The following MEGF6 variants were observed in gnomAD, a reference collection of about 807,000 sequenced individuals.
MEGF6 encodes the protein multiple EGF like domains 6, also known as multiple epidermal growth factor-like domains protein 6.
MEGF6 carries 184 observed loss-of-function variants against 207.1 expected under a neutral mutation model. The ratio of observed to expected loss-of-function variants is 0.89; its 90% CI spans 0.79 to 1.00. The LOEUF is 1.00. Among genes scored for constraint, MEGF6 ranks in the 50% least tolerant of loss-of-function variants. The pLI, the probability that MEGF6 is intolerant of heterozygous loss-of-function variation, is 0.00. For synonymous variants in MEGF6, 1,038 were observed against 910.0 expected, an observed-to-expected ratio of 1.14 and a Z score of -2.53; for missense variants, 2,282 against 2,202.9, an observed-to-expected ratio of 1.04 and a Z score of -0.72.
chr1:3,561,415 G>A (rs1032096231), intron 4 of MEGF6, among the ~76,000 whole-genome samples: 16 of 152,238 alleles, frequency 1.1e-4, no homozygotes, highest in African/African-American at 3.6e-4. Context: ...ACTGTTTCCA[G>A]AAGTGGGGTC....
chr1:3,531,556 GC>G (rs1642174307), intron 4 of MEGF6: 1 of 947,594 alleles, frequency 1.1e-6, no homozygotes, highest in Non-Finnish European at 1.3e-6. Context: ...GGCCGCGCCG[GC>G]CCGCCCGCCC....
Position 3,505,474 on chromosome 1 carries a change from C to A in MEGF6, c.2001G>T (p.Arg667Ser). The change falls in exon 16 of 37, where the codon AGG becomes AGT. Residue 667 changes from arginine to serine, a missense_variant. Physicochemically the swap from Arg to Ser is moderately radical, Grantham distance 110 (BLOSUM62 -1). Transcript: ENST00000356575. ...VQPHTQSCDK[R>S]DGSCSCKAGF... ...CAGCCTTGCAGGAGCAGCTGCCATCCCTCTTGTCACAGGACTGCGTGTGGG... is the reference window on the plus strand; with the variant it reads ...CAGCCTTGCAGGAGCAGCTGCCATCACTCTTGTCACAGGACTGCGTGTGGG... 6.2e-7 allele frequency: 1 copy of A among 1,610,868 alleles called. No homozygotes were observed. Among genetic ancestry groups the A allele is most frequent in the African/African-American group, 1.3e-5 (1 of 74,954 alleles).
At chr1:3,510,044 G>A (rs1232850599) in intron 10 of MEGF6, 52 bp from the exon 11 acceptor site, 3 of 1,550,302 alleles carry the variant, frequency 1.9e-6, no homozygotes, top group Non-Finnish European at 2.6e-6. Flanking sequence ...GGGGAACCAG[G>A]AAGGCCCCTG....
At chr1:3,618,949 C>T in the MEGF6 span, among the ~76,000 whole-genome samples, 2 of 152,214 alleles carry the variant, frequency 1.3e-5, no homozygotes, top group Non-Finnish European at 2.9e-5. The surrounding 1 kb of genome is among the most constrained non-coding windows in gnomAD (Gnocchi z 4.7). Flanking sequence ...CCTTGGGCTG[C>T]CCTTTGGCAC....
intron 4 of MEGF6, among the ~76,000 whole-genome samples, chr1:3,547,642 G>T (rs1444225635): frequency 6.6e-6 from 1 of 152,188 alleles, no homozygotes; most frequent in African/African-American, 2.4e-5. Context: ...CGTCTCTGGG[G>T]ATCACGTGGC....
At chr1:3,503,499 G>A (rs1215261763) in intron 17 of MEGF6, among the ~76,000 whole-genome samples, 2 of 152,006 alleles carry the variant, frequency 1.3e-5, no homozygotes, top group African/African-American at 4.8e-5. Context: ...GGCAGGGGAG[G>A]AGCCTTCCTC....
chr1:3,583,050 A>G (rs1055514530), intron 3 of MEGF6, among the ~76,000 whole-genome samples: 1 of 152,216 alleles, frequency 6.6e-6, no homozygotes, highest in Non-Finnish European at 1.5e-5. Flanking sequence ...CAGGCCAGCC[A>G]GGTGTGAGAG....
rs774541183 is a variant in MEGF6, at chr1:3,579,852, C to T, written c.454G>A (p.Gly152Ser). ...GSAQPCHCPP[G>S]FQGPRCQYDV... ...TACTGACAGCGGGGTCCCTGGAAGC[C>T]GGGGGGACAGTGACACGGCTGGGCT... The change falls in exon 4 of 37, where the codon GGC becomes AGC. Residue 152 changes from glycine (G) to serine (S), a missense_variant. Physicochemically the swap from Gly to Ser is moderately conservative, Grantham distance 56 (BLOSUM62 0). Transcript: ENST00000356575. 51 of 1,538,398 alleles carry T rather than the reference C, an allele frequency of 3.3e-5. No homozygotes were observed. The highest frequency in any genetic ancestry group is 4.1e-5 in the Non-Finnish European group (47 of 1,148,804).
chr1:3,611,318 G>T lies in MEGF6; in HGVS notation c.-50C>A. ...TCTCCGGCTCACAGGCGGCCCCGGC[G>T]GCTCCCCGGAGCCTCCGCCTCCACG... On this transcript the variant is annotated 5_prime_UTR_variant, in exon 1 of 37. Coordinates refer to ENST00000356575, the MANE Select transcript of MEGF6 (RefSeq NM_001409.4). The T allele has an allele frequency of 7.1e-7, 1 of 1,401,340 alleles. No individual in the cohort carries two copies. The highest frequency in any genetic ancestry group is 9.2e-7 in the Non-Finnish European group (1 of 1,084,456). 86.8% of individuals were successfully genotyped at this position (1,401,340 alleles called of 1,614,324 possible). A position where few individuals can be genotyped will look rare whatever the true frequency, so the allele number is the denominator to read the frequency against.
chr1:3,537,446 C>G lies in MEGF6; in HGVS notation c.482-13200G>C, dbSNP rs532908945. ...AGAAGGTTACAGGCCCAGCAGGCACCCAGGTGGAGCGGCGATCACCACCGC... is the reference window on the plus strand; with the variant it reads ...AGAAGGTTACAGGCCCAGCAGGCACGCAGGTGGAGCGGCGATCACCACCGC... On this transcript the variant is annotated intron_variant, in intron 4 of 36. Transcript: ENST00000356575. 7.2e-5 allele frequency among the ~76,000 whole-genome samples: 11 copies of G among 152,314 alleles called. No individual in the cohort carries two copies. The East Asian group carries it at 2.1e-3, about 29-fold the overall frequency.
chr1:3,523,102 T>C (rs986013159), intron 5 of MEGF6, among the ~76,000 whole-genome samples: 31 of 151,554 alleles, frequency 2.0e-4, no homozygotes, highest in African/African-American at 7.0e-4. Flanking sequence ...GCTGGCGAGC[T>C]GCTCTGCCAC....
intron 4 of MEGF6, among the ~76,000 whole-genome samples, chr1:3,570,983 C>G (rs374398543): frequency 2.0e-5 from 3 of 152,198 alleles, no homozygotes; most frequent in African/African-American, 7.2e-5. Context: ...CCTATCTCCC[C>G]CTCTGAGCCG....
chr1:3,548,962 T>G (rs918631399), intron 4 of MEGF6, among the ~76,000 whole-genome samples: 6 of 152,144 alleles, frequency 3.9e-5, no homozygotes, highest in Non-Finnish European at 5.9e-5. Flanking sequence ...CGCTGCCTGG[T>G]CACCCTCACT....
At position 3,493,640 on chromosome 1, in the gene MEGF6, T is replaced by A. The variant is rs963423124; in HGVS notation, c.4387+131A>T. The stretch of plus-strand genomic sequence containing the variant: ...ACTCCAGCCCCCCCAGGGGGCACAG[T>A]CCAGGTGCAGAGGCAACAAGAGGGG... On this transcript the variant is annotated intron_variant, in intron 34 of 36. Coordinates refer to ENST00000356575, the MANE Select transcript of MEGF6 (RefSeq NM_001409.4). The A allele has an allele frequency of 1.1e-5, 14 of 1,288,370 alleles. No homozygotes were observed. In the African/African-American group the frequency reaches 2.1e-4, roughly 19 times the overall value. The allele number at this position is 1,288,370 out of a possible 1,614,324, so 79.8% of individuals were successfully genotyped here. A position where few individuals can be genotyped will look rare whatever the true frequency, so the allele number is the denominator to read the frequency against.
At chr1:3,598,781 C>G (rs915118964) in intron 2 of MEGF6, among the ~76,000 whole-genome samples, 1 of 150,688 alleles carries the variant, frequency 6.6e-6, no homozygotes, top group African/African-American at 2.4e-5. Context: ...GTGGAGGCCA[C>G]GGCTCAGGGA....
chr1:3,611,473 C>T lies in MEGF6; in HGVS notation c.-205G>A. The T allele has an allele frequency of 1.6e-6, 1 of 624,626 alleles. No individual in the cohort carries two copies. Among genetic ancestry groups the T allele is most frequent in the Non-Finnish European group, 2.4e-6 (1 of 415,420 alleles). 38.7% of individuals were successfully genotyped at this position (624,626 alleles called of 1,614,324 possible). A position where few individuals can be genotyped will look rare whatever the true frequency, so the allele number is the denominator to read the frequency against. ...CGCGGAGACCTGATCGCCGGGTCCA[C>T]CCTGCAGGAACTCGCCCCGGCGCGT... On this transcript the variant is annotated 5_prime_UTR_variant, in exon 1 of 37. In the 5' UTR this introduces an upstream ATG that the reference lacks. Transcript: ENST00000356575.
intron 4 of MEGF6, among the ~76,000 whole-genome samples, chr1:3,528,321 C>T (rs952254555): frequency 3.3e-5 from 5 of 152,228 alleles, no homozygotes; most frequent in Non-Finnish European, 5.9e-5. Context: ...TCCCAAGGCA[C>T]CCCACGTGAT....
intron 11 of MEGF6, 105 bp from the exon 12 acceptor site, chr1:3,509,350 C>A (rs373550710): frequency 2.8e-5 from 29 of 1,033,488 alleles, no homozygotes; most frequent in Admixed American, 1.8e-4. Context: ...GGGAACCCCA[C>A]CACCCTCCTA....
chr1:3,507,040 A>G (rs997586838), intron 14 of MEGF6, among the ~76,000 whole-genome samples: 2 of 152,202 alleles, frequency 1.3e-5, no homozygotes, highest in African/African-American at 2.4e-5. Context: ...TAGAATAGAA[A>G]GGGCAGACAA....
Sources: allele counts gnomAD v4.1 joint callset (sites outside exome capture counted in the v4.1 genomes callset), GRCh38; gene constraint gnomAD v4.1.1; non-coding constraint Gnocchi (gnomAD v3.1); transcripts MANE v1.5; gene names NCBI Gene and HGNC (gene_info 2026-07-23, HGNC 2026-07-21).